PTPRG: variants seen among roughly 807,000 people sequenced by gnomAD.
The protein encoded by PTPRG is receptor-type tyrosine-protein phosphatase gamma.
In PTPRG, 102 loss-of-function variants were observed where a neutral mutation model predicts 165.3. The observed-to-expected ratio is 0.62, with a 90% CI of 0.53 to 0.73. The LOEUF (loss-of-function observed/expected upper bound fraction) is 0.73, where lower values mean the gene tolerates loss of function less well. PTPRG is among the 30% of genes least tolerant of loss of function. PTPRG has a pLI of 0.00. For missense variants in PTPRG, 1,866 were observed against 1,861.4 expected (o/e 1.00, Z -0.05); for synonymous variants, 675 against 669.5 (o/e 1.01, Z -0.13).
chr3:61,632,351 G>A (rs1051811877), intron 1 of PTPRG, among the ~76,000 whole-genome samples: 1 of 152,100 alleles, frequency 6.6e-6, no homozygotes, highest in Admixed American at 6.5e-5. Flanking sequence ...CTATAGTCTA[G>A]AGGAAGTTAT....
chr3:61,766,940 T>C (rs1474267214), intron 2 of PTPRG, among the ~76,000 whole-genome samples: 1 of 151,024 alleles, frequency 6.6e-6, no homozygotes, highest in Non-Finnish European at 1.5e-5. Context: ...TTATTAAACA[T>C]GTTACTTAGA....
intron 1 of PTPRG, among the ~76,000 whole-genome samples, chr3:61,608,899 A>G (rs1486411386): frequency 1.3e-5 from 2 of 152,174 alleles, no homozygotes; most frequent in East Asian, 3.9e-4. Flanking sequence ...ATTATCCAAG[A>G]TAATACTCCA....
intron 4 of PTPRG, among the ~76,000 whole-genome samples, chr3:62,055,006 A>T (rs1429540927): frequency 6.6e-6 from 1 of 152,210 alleles, no homozygotes; most frequent in Non-Finnish European, 1.5e-5. Context: ...GGTAGCACTT[A>T]ATTTGAATCT....
intron 1 of PTPRG, among the ~76,000 whole-genome samples, chr3:61,685,375 G>A (rs1283627835): frequency 6.6e-6 from 1 of 152,222 alleles, no homozygotes; most frequent in African/African-American, 2.4e-5. Context: ...GTCCTTGATG[G>A]TCCCAATAGG....
At chr3:61,584,410 G>A (rs1178589248) in intron 1 of PTPRG, among the ~76,000 whole-genome samples, 1 of 152,120 alleles carries the variant, frequency 6.6e-6, no homozygotes, top group Non-Finnish European at 1.5e-5. Context: ...TACCTCCAGA[G>A]TTCCTCTCTC....
At chr3:61,835,514 A>G (rs1264053170) in intron 2 of PTPRG, among the ~76,000 whole-genome samples, 2 of 151,924 alleles carry the variant, frequency 1.3e-5, no homozygotes, top group Non-Finnish European at 2.9e-5. Context: ...TTGTATTCCT[A>G]GTAGAGATGG....
At chr3:62,272,050 A>T (rs1365250402) in intron 21 of PTPRG, among the ~76,000 whole-genome samples, 1 of 152,132 alleles carries the variant, frequency 6.6e-6, no homozygotes, top group Non-Finnish European at 1.5e-5. Context: ...GGCTGTGTTC[A>T]CATAACTGCA....
chr3:61,882,584 C>T (rs183665021), intron 2 of PTPRG, among the ~76,000 whole-genome samples: 97 of 152,200 alleles, frequency 6.4e-4, no homozygotes, highest in African/African-American at 2.1e-3. Context: ...TACAAAAGTC[C>T]TGCATACTTC....
chr3:61,718,819 C>A (rs2031928675), intron 1 of PTPRG, among the ~76,000 whole-genome samples: 2 of 152,086 alleles, frequency 1.3e-5, no homozygotes, highest in Non-Finnish European at 2.9e-5. Flanking sequence ...TAGTCCTTTC[C>A]CATTTGTAAT....
intron 5 of PTPRG, among the ~76,000 whole-genome samples, chr3:62,097,751 A>C (rs1357262800): frequency 1.3e-5 from 2 of 152,096 alleles, no homozygotes; most frequent in African/African-American, 4.8e-5. Context: ...CTTTTCTATT[A>C]TTTTATAAGG....
At chr3:62,160,010 C>T (rs1321386333) in intron 7 of PTPRG, among the ~76,000 whole-genome samples, 3 of 152,208 alleles carry the variant, frequency 2.0e-5, no homozygotes, top group East Asian at 1.9e-4. Context: ...TTCAGAAAGG[C>T]GAACAGCCAA....
chr3:61,838,284 G>A (rs1300832834), intron 2 of PTPRG, among the ~76,000 whole-genome samples: 2 of 152,182 alleles, frequency 1.3e-5, no homozygotes, highest in African/African-American at 2.4e-5. Context: ...TTGAAGAATC[G>A]TTTTTGGTTT....
chr3:62,054,639 ATG>A (rs757419802), intron 4 of PTPRG, among the ~76,000 whole-genome samples: 2 of 152,240 alleles, frequency 1.3e-5, no homozygotes, highest in African/African-American at 2.4e-5. Context: ...CTGCCTAATC[ATG>A]TGTCTCTTTG....
chr3:62,140,008 C>A (rs1703862566), intron 6 of PTPRG, among the ~76,000 whole-genome samples: 1 of 152,202 alleles, frequency 6.6e-6, no homozygotes, highest in African/African-American at 2.4e-5. Context: ...ACTGAAGTTT[C>A]TACAATAAAG....
chr3:61,952,564 C>T (rs2107626790), intron 2 of PTPRG, among the ~76,000 whole-genome samples: 1 of 152,270 alleles, frequency 6.6e-6, no homozygotes, highest in East Asian at 1.9e-4. Flanking sequence ...TGAAATCTCC[C>T]TTTTGAGATT....
In PTPRG at chr3:61,933,558, C is replaced by T. The variant is rs2039413209; in HGVS notation, c.191-56067C>T. On this transcript the variant is annotated intron_variant, in intron 2 of 29. Coordinates refer to ENST00000474889, the MANE Select transcript of PTPRG (RefSeq NM_002841.4). The stretch of plus-strand genomic sequence containing the variant: ...AAGTGCTGACTGTTAATAACAATTT[C>T]CACTAATTGATTAATTGATTATTAC... Among the ~76,000 whole-genome samples the T allele has an allele frequency of 2.0e-5, 3 of 152,130 alleles. No homozygotes were observed. The South Asian group carries it at 6.2e-4, about 32-fold the overall frequency.
intron 1 of PTPRG, among the ~76,000 whole-genome samples, chr3:61,625,884 C>T (rs777995388): frequency 5.9e-5 from 9 of 152,150 alleles, no homozygotes; most frequent in Admixed American, 6.6e-5. Flanking sequence ...ACTTGAAACC[C>T]AGTGTTCCTA....
chr3:62,119,530 C>A (rs35439467), intron 5 of PTPRG, among the ~76,000 whole-genome samples: 1 of 152,098 alleles, frequency 6.6e-6, no homozygotes, highest in African/African-American at 2.4e-5. Flanking sequence ...CATGGAAATC[C>A]TGGAAGAATC....
chr3:62,030,187 T>A (rs1303105801), intron 4 of PTPRG, among the ~76,000 whole-genome samples: 1 of 135,318 alleles, frequency 7.4e-6, no homozygotes, highest in Non-Finnish European at 1.5e-5. Flanking sequence ...GATGGGAAAA[T>A]TTTCCCTGTG....
Sources: gnomAD v4.1 joint callset for allele counts (sites outside exome capture counted in the v4.1 genomes callset) on GRCh38, gnomAD v4.1.1 for gene constraint, MANE v1.5 for transcripts, NCBI Gene and HGNC (gene_info 2026-07-23, HGNC 2026-07-21) for gene names.